DENND1A: variants seen among roughly 807,000 people sequenced by gnomAD.
DENND1A encodes DENN domain-containing protein 1A.
A neutral mutation model predicts 113.7 loss-of-function variants in DENND1A; 51 were observed. The ratio of observed to expected loss-of-function variants is 0.45; its 90% CI spans 0.36 to 0.57. The LOEUF is 0.57. DENND1A is among the 20% of genes least tolerant of loss of function. The pLI, the probability that DENND1A is intolerant of heterozygous loss-of-function variation, is 0.00. For missense variants in DENND1A, 1,258 were observed against 1,395.9 expected (o/e 0.90, Z 1.57); for synonymous variants, 565 against 570.8 (o/e 0.99, Z 0.14).
At chr9:123,472,599 G>A (rs756133267) in intron 13 of DENND1A, among the ~76,000 whole-genome samples, 13 of 151,908 alleles carry the variant, frequency 8.6e-5, no homozygotes, top group African/African-American at 2.9e-4. Flanking sequence ...GGACTGCATC[G>A]AGGGAAACAT....
At chr9:123,401,693 AGTGATACTGACACAGTTCAG>A in intron 21 of DENND1A, 2 of 1,531,776 alleles carry the variant, frequency 1.3e-6, no homozygotes, top group South Asian at 2.5e-5. Context: ...CAAAACTAAA[AGTGATACTGACACAGTTCAG>A]GTGATAAGCA....
At chr9:123,519,614 C>T (rs2564360) in intron 13 of DENND1A, among the ~76,000 whole-genome samples, 145,893 of 152,170 alleles carry the variant, frequency 0.96, 70,164 homozygotes, top group Non-Finnish European at 1. Flanking sequence ...AGAAAGGTTT[C>T]TGTCATGTTG....
At chr9:123,753,128 A>C (rs1269944135) in intron 5 of DENND1A, among the ~76,000 whole-genome samples, 1 of 152,254 alleles carries the variant, frequency 6.6e-6, no homozygotes, top group Non-Finnish European at 1.5e-5. Flanking sequence ...TTTAATAAAC[A>C]TGGGCTTATT....
intron 2 of DENND1A, among the ~76,000 whole-genome samples, chr9:123,876,877 T>TA (rs1337026530): frequency 1.3e-5 from 2 of 152,092 alleles, no homozygotes; most frequent in African/African-American, 2.4e-5. Flanking sequence ...TACTCAGCCA[T>TA]AAAAAAGAAT....
Position 123,929,902 on chromosome 9 carries a change from C to A in DENND1A, c.4G>T (p.Gly2Cys). The A allele has an allele frequency of 2.9e-6, 1 of 347,582 alleles. No homozygotes were observed. Among genetic ancestry groups the A allele is most frequent in the Admixed American group, 4.0e-5 (1 of 24,936 alleles). 21.5% of individuals were successfully genotyped at this position (347,582 alleles called of 1,614,324 possible). A position where few individuals can be genotyped will look rare whatever the true frequency, so the allele number is the denominator to read the frequency against. The change falls in exon 1 of 24, where the codon GGC becomes TGC. Residue 2 changes from glycine to cysteine, a missense_variant. By Grantham distance (159) the Gly-to-Cys change is radical (BLOSUM62 -3). This residue lies in a region of DENND1A where 99 missense variants were observed against 164.2 expected (regional missense o/e 0.60). Coordinates refer to ENST00000394215, the MANE Select transcript of DENND1A (RefSeq NM_001352964.2). Reference sequence around the variant, plus strand: ...GGCCGCACTCACTTGATCCTGGAGCCCATGGTCCCCAGGCCTCCTCATGGG... The same window carrying A: ...GGCCGCACTCACTTGATCCTGGAGCACATGGTCCCCAGGCCTCCTCATGGG... M[G>C]SRIKQNPETT...
chr9:123,417,296 G>A (rs1204212921), intron 19 of DENND1A, among the ~76,000 whole-genome samples: 1 of 152,220 alleles, frequency 6.6e-6, no homozygotes, highest in Non-Finnish European at 1.5e-5. Context: ...CCAAAGCTGT[G>A]TGCTATCAGC....
chr9:123,384,567 G>A (rs1196140658), intron 22 of DENND1A, among the ~76,000 whole-genome samples: 1 of 152,216 alleles, frequency 6.6e-6, no homozygotes. Flanking sequence ...GCACGGGTTG[G>A]TTACAGCATC....
chr9:123,823,353 TG>T (rs1377692691), intron 2 of DENND1A, among the ~76,000 whole-genome samples: 1 of 152,090 alleles, frequency 6.6e-6, no homozygotes, highest in East Asian at 1.9e-4. Flanking sequence ...TCTGGGCAGA[TG>T]GAACAGCACT....
chr9:123,531,554 TACACAC>T (rs57819030), intron 13 of DENND1A, among the ~76,000 whole-genome samples: 1,081 of 103,172 alleles, frequency 0.01, 13 homozygotes, highest in African/African-American at 0.031. Context: ...CCTCTCTCTC[TACACAC>T]ACACACACAC....
chr9:123,594,398 G>A (rs1371803497), intron 11 of DENND1A, among the ~76,000 whole-genome samples: 1 of 152,092 alleles, frequency 6.6e-6, no homozygotes, highest in African/African-American at 2.4e-5. Context: ...GGTCAGAGAG[G>A]TAAAATAACT....
At chr9:123,717,995 G>C (rs550678044) in intron 5 of DENND1A, among the ~76,000 whole-genome samples, 1 of 152,336 alleles carries the variant, frequency 6.6e-6, no homozygotes, top group South Asian at 2.1e-4. Context: ...AGAAGTCACA[G>C]TCAGCTCCTG....
chr9:123,865,986 T>A (rs1022781796), intron 2 of DENND1A, among the ~76,000 whole-genome samples: 2 of 152,234 alleles, frequency 1.3e-5, no homozygotes, highest in African/African-American at 2.4e-5. Context: ...GATTTTCTAC[T>A]TCCTGGACGG....
At chr9:123,872,011 T>C (rs1053869361) in intron 2 of DENND1A, among the ~76,000 whole-genome samples, 3 of 152,208 alleles carry the variant, frequency 2.0e-5, no homozygotes, top group African/African-American at 7.2e-5. Flanking sequence ...CTGATCTCTC[T>C]TACAAGAGCA....
chr9:123,418,268 G>A (rs1034830632), intron 19 of DENND1A, among the ~76,000 whole-genome samples: 1 of 152,180 alleles, frequency 6.6e-6, no homozygotes, highest in Non-Finnish European at 1.5e-5. Flanking sequence ...GGGTAAGACC[G>A]AAGGCATGAT....
At chr9:123,597,835 A>C (rs1167893311) in intron 11 of DENND1A, among the ~76,000 whole-genome samples, 1 of 152,092 alleles carries the variant, frequency 6.6e-6, no homozygotes, top group African/African-American at 2.4e-5. Context: ...CCAACTTCCC[A>C]ATCTGAGGCT....
chr9:123,542,416 T>G (rs748994), intron 13 of DENND1A, among the ~76,000 whole-genome samples: 16,388 of 152,170 alleles, frequency 0.11, 1,245 homozygotes, highest in African/African-American at 0.21. Context: ...TTCACTTCAT[T>G]ATGCTATTCA....
At position 123,769,909 on chromosome 9, in the gene DENND1A, C is replaced by T. The variant is rs1343292866; in HGVS notation, c.133-346G>A. Among the ~76,000 whole-genome samples the T allele has an allele frequency of 2.6e-5, 4 of 152,114 alleles. No homozygotes were observed. The South Asian group carries it at 6.2e-4, about 24-fold the overall frequency. ...CCATATGGATCAGAGTGAATAACAC[C>T]GAGCCACATGGGTTTGGCCTGGCAG... On this transcript the variant is annotated intron_variant, in intron 3 of 23. Coordinates refer to ENST00000394215, the MANE Select transcript of DENND1A (RefSeq NM_001352964.2).
chr9:123,784,428 T>C (rs1043215659), intron 3 of DENND1A, among the ~76,000 whole-genome samples: 4 of 152,068 alleles, frequency 2.6e-5, no homozygotes, highest in African/African-American at 9.7e-5. Context: ...AACAGAAGAA[T>C]AGGACAGACT....
Position 123,381,852 on chromosome 9 carries a change from G to A in DENND1A, c.2793C>T (p.Leu931=), listed in dbSNP as rs368939559. The change falls in exon 24 of 24, where the codon CTC becomes CTT. Residue 931 remains leucine, a synonymous_variant. Coordinates refer to ENST00000394215, the MANE Select transcript of DENND1A (RefSeq NM_001352964.2). The surrounding 1 kb of genome is among the most constrained non-coding windows in gnomAD (Gnocchi z 4.7). ...ASLGPAFASG[L]LLSSAGFCAP... is the part of the protein sequence containing the mutation. The stretch of plus-strand genomic sequence containing the variant: ...CACAGAAGCCAGCACTGGACAGCAG[G>A]AGGCCGGACGCAAAAGCCGGCCCCA... 6.8e-7 allele frequency: 1 copy of A among 1,475,214 alleles called. No individual in the cohort carries two copies. Among genetic ancestry groups the A allele is most frequent in the Non-Finnish European group, 9.0e-7 (1 of 1,112,920 alleles). 91.4% of individuals were successfully genotyped at this position (1,475,214 alleles called of 1,614,324 possible).
Sources: gnomAD v4.1 joint callset for allele counts (sites outside exome capture counted in the v4.1 genomes callset) on GRCh38, gnomAD v4.1.1 for gene constraint, gnomAD v4.1.1 regional missense constraint, Gnocchi (gnomAD v3.1) non-coding constraint, MANE v1.5 for transcripts, NCBI Gene and HGNC (gene_info 2026-07-23, HGNC 2026-07-21) for gene names.